The following VPS41 variants were observed in gnomAD, a reference collection of about 807,000 sequenced individuals.
VPS41 encodes the protein VPS41 subunit of HOPS complex.
Under a neutral mutation model 130.9 loss-of-function variants are expected in VPS41, and 85 were observed. The ratio of observed to expected loss-of-function variants is 0.65; its 90% CI spans 0.55 to 0.78. The LOEUF (loss-of-function observed/expected upper bound fraction) is 0.78, where lower values mean the gene tolerates loss of function less well. Among genes scored for constraint, VPS41 ranks in the 30% least tolerant of loss-of-function variants. The pLI is 0.00. For missense variants in VPS41, 874 were observed against 1,018.7 expected (o/e 0.86, Z 1.93); for synonymous variants, 335 against 332.9 (o/e 1.01, Z -0.07).
At chr7:38,826,854 T>C (rs1407306167) in intron 5 of VPS41, among the ~76,000 whole-genome samples, 1 of 152,212 alleles carries the variant, frequency 6.6e-6, no homozygotes, top group East Asian at 1.9e-4. Context: ...AGTCTCACTC[T>C]GTCACCCAGG....
At chr7:38,788,718 T>C (rs189317830) in intron 10 of VPS41, among the ~76,000 whole-genome samples, 1 of 152,320 alleles carries the variant, frequency 6.6e-6, no homozygotes, top group African/African-American at 2.4e-5. Flanking sequence ...TCAGCACTGC[T>C]ACATTCTTCA....
At chr7:38,734,659 G>A (rs1470080042) in intron 25 of VPS41, among the ~76,000 whole-genome samples, 1 of 152,170 alleles carries the variant, frequency 6.6e-6, no homozygotes, top group Non-Finnish European at 1.5e-5. Context: ...TATCAGCAAA[G>A]TTATTATGGT....
chr7:38,790,136 T>G (rs570041786), intron 9 of VPS41, among the ~76,000 whole-genome samples: 9 of 152,298 alleles, frequency 5.9e-5, no homozygotes, highest in Admixed American at 3.9e-4. Context: ...CTAATCCAAG[T>G]ACAACTTCTG....
intron 22 of VPS41, among the ~76,000 whole-genome samples, chr7:38,751,932 T>A (rs907218311): frequency 6.6e-6 from 1 of 152,198 alleles, no homozygotes; most frequent in African/African-American, 2.4e-5. Context: ...AGACCCTGGA[T>A]TAAGCTGTTC....
chr7:38,868,098 A>C (rs1236779918), intron 3 of VPS41, among the ~76,000 whole-genome samples: 3 of 152,214 alleles, frequency 2.0e-5, no homozygotes, highest in Non-Finnish European at 4.4e-5. Context: ...GACACCATCC[A>C]AAGTGTGGCC....
chr7:38,738,131 T>G (rs1795808332), intron 25 of VPS41, among the ~76,000 whole-genome samples: 1 of 152,216 alleles, frequency 6.6e-6, no homozygotes, highest in Admixed American at 6.5e-5. Flanking sequence ...CACTGCACCA[T>G]GACACCTCTT....
At chr7:38,770,690 C>T (rs1280067449) in intron 14 of VPS41, among the ~76,000 whole-genome samples, 1 of 152,178 alleles carries the variant, frequency 6.6e-6, no homozygotes, top group African/African-American at 2.4e-5. Context: ...AGTTCCTCTG[C>T]TCTCCATCTG....
intron 25 of VPS41, among the ~76,000 whole-genome samples, chr7:38,740,869 TCTA>T (rs1478663733): frequency 1.3e-5 from 2 of 152,198 alleles, no homozygotes; most frequent in African/African-American, 2.4e-5. Flanking sequence ...CCTCAGTTTC[TCTA>T]CTAATTCTAC....
intron 4 of VPS41, among the ~76,000 whole-genome samples, chr7:38,835,278 C>T (rs948637696): frequency 6.6e-6 from 1 of 151,258 alleles, no homozygotes; most frequent in Non-Finnish European, 1.5e-5. Flanking sequence ...TTAATTTTTT[C>T]CCTTTTTACT....
In VPS41 at chr7:38,888,928, T is replaced by C. The variant is rs555858889; in HGVS notation, c.60+9163A>G. ...GAACAACCTGTTCCTGAATGACTACTGGGGAACATCACACACTGGGGCCTG... is the reference window on the plus strand; with the variant it reads ...GAACAACCTGTTCCTGAATGACTACCGGGGAACATCACACACTGGGGCCTG... On this transcript the variant is annotated intron_variant, in intron 2 of 28. Transcript: ENST00000310301. Among the ~76,000 whole-genome samples, 6 of 100,744 alleles carry C rather than the reference T, an allele frequency of 6.0e-5. No homozygotes were observed. In the East Asian group the frequency reaches 9.5e-4, roughly 16 times the overall value. The allele number at this position is 100,744 out of a possible 152,430, so 66.1% of individuals were successfully genotyped here. A position where few individuals can be genotyped will look rare whatever the true frequency, so the allele number is the denominator to read the frequency against.
intron 2 of VPS41, among the ~76,000 whole-genome samples, chr7:38,887,736 C>A (rs1241922377): frequency 6.6e-6 from 1 of 152,042 alleles, no homozygotes; most frequent in Non-Finnish European, 1.5e-5. Context: ...GTCAGATTCA[C>A]CAAGGTTGAA....
At position 38,724,184 on chromosome 7, in the gene VPS41, T is replaced by G. The variant is rs1795491628; in HGVS notation, c.*2062A>C. On this transcript the variant is annotated 3_prime_UTR_variant, in exon 29 of 29. Transcript: ENST00000310301. ...ATTTTCTTTATGTCCAAATAGGACT[T>G]GGTAACTAGGATAATTTACCCCTGA... The G allele has an allele frequency of 6.6e-6, 1 of 152,240 alleles. No homozygotes were observed. The highest frequency in any genetic ancestry group is 1.5e-5 in the Non-Finnish European group (1 of 68,034). The allele number at this position is 152,240 out of a possible 1,614,324, so 9.4% of individuals were successfully genotyped here.
Position 38,789,819 on chromosome 7 carries a change from T to C in VPS41, c.766A>G (p.Ser256Gly), listed in dbSNP as rs768755201. 32 of 1,613,784 alleles carry C rather than the reference T, an allele frequency of 2.0e-5. No individual in the cohort carries two copies. The highest frequency in any genetic ancestry group is 2.6e-5 in the Non-Finnish European group (31 of 1,179,736). Reference sequence around the variant, plus strand: ...GCCATACCTATTTCAACATATCGACTTGGCAAATCCCTCATTTCACTGGCA... The same window carrying C: ...GCCATACCTATTTCAACATATCGACCTGGCAAATCCCTCATTTCACTGGCA... ...RHASEMRDLP[S>G]RYVEIVSQFE... The change falls in exon 10 of 29, where the codon AGT becomes GGT. Residue 256 changes from serine to glycine, a missense_variant. Physicochemically the swap from Ser to Gly is moderately conservative, Grantham distance 56. Coordinates refer to ENST00000310301, the MANE Select transcript of VPS41 (RefSeq NM_014396.4).
chr7:38,856,829 G>C (rs1413354177), intron 4 of VPS41, among the ~76,000 whole-genome samples: 1 of 152,150 alleles, frequency 6.6e-6, no homozygotes, highest in Non-Finnish European at 1.5e-5. Context: ...GTGTATTCTA[G>C]AGAGAAAAGA....
In VPS41 at chr7:38,805,236, C is replaced by A. The variant is rs142143334; in HGVS notation, c.451-8372G>T. On this transcript the variant is annotated intron_variant, in intron 7 of 28. Transcript: ENST00000310301. ...TATGTATTTGAACAAGCCCTTCACA[C>A]AATTCAAAGTAAAACAGGCCAGGCG... is the stretch of plus-strand genomic sequence containing the variant. Among the ~76,000 whole-genome samples, 9 of 152,220 alleles carry A rather than the reference C, an allele frequency of 5.9e-5. No individual in the cohort carries two copies. In the East Asian group the frequency reaches 1.5e-3, roughly 26 times the overall value.
At chr7:38,796,202 T>C (rs1268296276) in intron 8 of VPS41, among the ~76,000 whole-genome samples, 8 of 152,238 alleles carry the variant, frequency 5.3e-5, no homozygotes, top group Non-Finnish European at 1.0e-4. Flanking sequence ...TATACCTTGA[T>C]GTTTCAAAAG....
chr7:38,809,944 T>A (rs1784910978), intron 7 of VPS41, among the ~76,000 whole-genome samples: 1 of 152,140 alleles, frequency 6.6e-6, no homozygotes, highest in Admixed American at 6.5e-5. Context: ...CCAGACAACA[T>A]TCACTTGACA....
intron 3 of VPS41, among the ~76,000 whole-genome samples, chr7:38,864,080 G>A (rs1260343285): frequency 6.6e-6 from 1 of 152,164 alleles, no homozygotes; most frequent in Non-Finnish European, 1.5e-5. Context: ...GCTATCTGTG[G>A]TAAAAGAATG....
chr7:38,862,665 T>C, intron 3 of VPS41, 43 bp from the exon 4 acceptor site: 1 of 1,124,480 alleles, frequency 8.9e-7, no homozygotes, highest in Non-Finnish European at 1.3e-6. Context: ...TTAATAATAC[T>C]ATTAATACAC....
Sources: allele counts gnomAD v4.1 joint callset (sites outside exome capture counted in the v4.1 genomes callset), GRCh38; gene constraint gnomAD v4.1.1; transcripts MANE v1.5; gene names NCBI Gene and HGNC (gene_info 2026-07-23, HGNC 2026-07-21).